LGMN: variants seen among roughly 807,000 people sequenced by gnomAD.
LGMN encodes asparaginyl endopeptidase.
LGMN carries 36 observed loss-of-function variants against 56.8 expected under a neutral mutation model. The observed-to-expected ratio is 0.63, with a 90% CI of 0.49 to 0.84. LGMN has a LOEUF of 0.84. Among genes scored for constraint, LGMN ranks in the 40% least tolerant of loss-of-function variants. The probability of loss-of-function intolerance (pLI) is 0.00; values close to 1 mark genes in which losing one functional copy is unlikely to be tolerated. For synonymous variants in LGMN, 199 were observed against 210.1 expected, an observed-to-expected ratio of 0.95 and a Z score of 0.46; for missense variants, 446 against 556.1, an observed-to-expected ratio of 0.80 and a Z score of 1.99.
intron 1 of LGMN, among the ~76,000 whole-genome samples, chr14:92,735,292 C>T (rs1165879217): frequency 2.0e-5 from 3 of 152,056 alleles, no homozygotes; most frequent in African/African-American, 4.8e-5. Context: ...CTGCAACCTC[C>T]GCCTCCCAGG....
In LGMN at chr14:92,719,358, C is replaced by T. The variant is rs1301026493; in HGVS notation, c.139-514G>A. Among the ~76,000 whole-genome samples the T allele has an allele frequency of 1.2e-4, 17 of 139,182 alleles. 1 individual carries two copies. Among genetic ancestry groups the T allele is most frequent in the Admixed American group, 1.1e-3 (16 of 14,320 alleles). The allele number at this position is 139,182 out of a possible 152,430, so 91.3% of individuals were successfully genotyped here. On this transcript the variant is annotated intron_variant, in intron 2 of 13. Transcript: ENST00000334869. ...CCGCCATCACCGCCACCACCACCAA[C>T]ACCACCACCACCACCAACACCGCCA...
chr14:92,710,297 G>A (rs751223252), intron 10 of LGMN, among the ~76,000 whole-genome samples: 4 of 152,252 alleles, frequency 2.6e-5, no homozygotes, highest in East Asian at 1.9e-4. Context: ...AAAGGATGCC[G>A]CCTATCCAGG....
chr14:92,734,180 G>C (rs954994759), intron 1 of LGMN, among the ~76,000 whole-genome samples: 27 of 151,162 alleles, frequency 1.8e-4, no homozygotes, highest in Admixed American at 6.0e-4. Context: ...TTTCATCCTT[G>C]TTTTACAGAA....
intron 1 of LGMN, among the ~76,000 whole-genome samples, chr14:92,737,129 A>ATC (rs747769940): frequency 1.3e-5 from 2 of 152,182 alleles, no homozygotes; most frequent in Non-Finnish European, 2.9e-5. Context: ...AGGCCAGGCC[A>ATC]TCTCTCTCAC....
intron 2 of LGMN, among the ~76,000 whole-genome samples, chr14:92,730,268 A>G (rs112472902): frequency 6.6e-6 from 1 of 152,214 alleles, no homozygotes; most frequent in Non-Finnish European, 1.5e-5. Flanking sequence ...TCATTTTGCC[A>G]TGATAACAAC....
At chr14:92,748,018 A>T (rs1891893794) in intron 1 of LGMN, among the ~76,000 whole-genome samples, 1 of 152,092 alleles carries the variant, frequency 6.6e-6, no homozygotes, top group South Asian at 2.1e-4. Context: ...CTCTAAATAG[A>T]TGTCTTTATA....
chr14:92,714,883 A>G lies in LGMN; in HGVS notation c.405-432T>C, dbSNP rs114620287. On this transcript the variant is annotated intron_variant, in intron 5 of 13. Coordinates refer to ENST00000334869, the MANE Select transcript of LGMN (RefSeq NM_005606.7). This position sits in a 1 kb window ranked among gnomAD's most constrained non-coding sequence, Gnocchi z 5.1. ...TGGCCCACAGTCTGGATGCCCACCT[A>G]CCTGCCTCACCAGGGCTTCCACCAG... 0.021 allele frequency among the ~76,000 whole-genome samples: 3,234 copies of G among 151,986 alleles called. 127 individuals are homozygous for G. The highest frequency in any genetic ancestry group is 0.074 in the African/African-American group (3,047 of 41,436).
chr14:92,737,299 C>T (rs762100869), intron 1 of LGMN, among the ~76,000 whole-genome samples: 7 of 152,098 alleles, frequency 4.6e-5, no homozygotes, highest in Admixed American at 6.6e-5. Flanking sequence ...GCCTTTTACC[C>T]GCCCCTCCTT....
intron 1 of LGMN, among the ~76,000 whole-genome samples, chr14:92,742,292 C>CTTTTTTTTTTTTTTTT (rs756259014): frequency 6.0e-5 from 5 of 84,014 alleles, no homozygotes; most frequent in Non-Finnish European, 1.1e-4. Flanking sequence ...TTTTGTTTTG[C>CTTTTTTTTTTTTTTTT]TTTTTTTTTT....
At chr14:92,718,890 C>A in intron 2 of LGMN, 46 bp from the exon 3 acceptor site, 1 of 1,435,038 alleles carries the variant, frequency 7.0e-7, no homozygotes, top group Non-Finnish European at 9.8e-7. Flanking sequence ...CCTGGGAGGC[C>A]AATTTTGGAG....
At chr14:92,732,544 C>T in intron 2 of LGMN, 105 bp downstream of exon 2, 1 of 1,301,766 alleles carries the variant, frequency 7.7e-7, no homozygotes, top group Non-Finnish European at 1.1e-6. Context: ...CCTAACAGGT[C>T]CGTCAATGGC....
intron 7 of LGMN, among the ~76,000 whole-genome samples, chr14:92,713,327 G>A (rs956701502): frequency 4.0e-5 from 6 of 151,878 alleles, no homozygotes; most frequent in Non-Finnish European, 5.9e-5. Context: ...TGATCTTCCC[G>A]CCTCAGCCTC....
At chr14:92,735,677 G>A (rs1242101) in intron 1 of LGMN, among the ~76,000 whole-genome samples, 111,545 of 151,826 alleles carry the variant, frequency 0.73, 42,324 homozygotes, top group African/African-American at 0.93. Context: ...CCTCCTAACA[G>A]GAACTTAATT....
intron 2 of LGMN, among the ~76,000 whole-genome samples, chr14:92,719,327 C>T (rs1890321038): frequency 1.9e-5 from 2 of 107,374 alleles, no homozygotes; most frequent in African/African-American, 4.1e-5. Flanking sequence ...GCCGCCGCCA[C>T]CGCCACCGCC....
At chr14:92,725,068 G>A (rs1890676506) in intron 2 of LGMN, among the ~76,000 whole-genome samples, 1 of 152,198 alleles carries the variant, frequency 6.6e-6, no homozygotes, top group African/African-American at 2.4e-5. Context: ...CATAACTGGA[G>A]AGAAGGAATG....
intron 2 of LGMN, among the ~76,000 whole-genome samples, chr14:92,719,201 ACACCACCACCGCCACCAACACCAC>A (rs1890254660): frequency 8.8e-5 from 4 of 45,392 alleles, no homozygotes; most frequent in Non-Finnish European, 1.3e-4. Flanking sequence ...ACCGCCACCA[ACACCACCACCGCCACCAACACCAC>A]CACCGCCACC....
intron 1 of LGMN, among the ~76,000 whole-genome samples, chr14:92,748,220 G>A (rs2140291223): frequency 6.6e-6 from 1 of 152,050 alleles, no homozygotes; most frequent in Non-Finnish European, 1.5e-5. Context: ...TCCCCCTCCA[G>A]AGCACTGAGC....
chr14:92,737,444 G>A (rs1185610453), intron 1 of LGMN, among the ~76,000 whole-genome samples: 2 of 152,122 alleles, frequency 1.3e-5, no homozygotes, highest in African/African-American at 4.8e-5. Context: ...CAAAAAGCAT[G>A]CCTGCTACTC....
At chr14:92,732,959 G>T in intron 1 of LGMN, 144 bp from the exon 2 acceptor site, 1 of 591,284 alleles carries the variant, frequency 1.7e-6, no homozygotes, top group Non-Finnish European at 2.9e-6. Flanking sequence ...GATCAGCTTG[G>T]CCAACATGGA....
Sources: gnomAD v4.1 joint callset for allele counts (sites outside exome capture counted in the v4.1 genomes callset) on GRCh38, gnomAD v4.1.1 for gene constraint, Gnocchi (gnomAD v3.1) non-coding constraint, MANE v1.5 for transcripts, NCBI Gene and HGNC (gene_info 2026-07-23, HGNC 2026-07-21) for gene names.